GLB1L3: variants seen among roughly 807,000 people sequenced by gnomAD.
The protein encoded by GLB1L3 is galactosidase beta 1 like 3, also known as beta-galactosidase-1-like protein 3.
A neutral mutation model predicts 89.5 loss-of-function variants in GLB1L3; 89 were observed. The ratio of observed to expected loss-of-function variants is 0.99; its 90% CI spans 0.84 to 1.19. GLB1L3 has a LOEUF of 1.19. Among genes scored for constraint, GLB1L3 ranks in the 50% most tolerant of loss-of-function variants. The probability of loss-of-function intolerance (pLI) is 0.00; values close to 1 mark genes in which losing one functional copy is unlikely to be tolerated. For synonymous variants in GLB1L3, 314 were observed against 312.3 expected (o/e 1.01, Z -0.06); for missense variants, 812 against 813.3 (o/e 1.00, Z 0.02).
intron 3 of GLB1L3, among the ~76,000 whole-genome samples, chr11:134,279,781 A>T (rs960086847): frequency 5.3e-5 from 8 of 151,820 alleles, no homozygotes; most frequent in Non-Finnish European, 1.0e-4. Context: ...CTTTTTTCTT[A>T]ATCTTATCTA....
rs75363727 is a variant in GLB1L3 at position 134,310,700 on chromosome 11, C to T, written c.1180+49C>T. The T allele has an allele frequency of 2.9e-3, 4,169 of 1,417,858 alleles. 65 individuals are homozygous for T. In the East Asian group the frequency reaches 0.036, roughly 12 times the overall value. The allele number at this position is 1,417,858 out of a possible 1,614,324, so 87.8% of individuals were successfully genotyped here. A position where few individuals can be genotyped will look rare whatever the true frequency, so the allele number is the denominator to read the frequency against. On this transcript the variant is annotated intron_variant, in intron 12 of 19. Transcript: ENST00000431683. ...CGGGCCAGCCCTCCTCATGTGGAGT[C>T]TCTGTTCTGTGGAAAAGTGAGGAAG...
chr11:134,317,317 G>T (rs1392361545), intron 18 of GLB1L3, among the ~76,000 whole-genome samples: 1 of 152,028 alleles, frequency 6.6e-6, no homozygotes, highest in Non-Finnish European at 1.5e-5. Flanking sequence ...AAATATATCG[G>T]TCCATTCCAC....
Position 134,305,091 on chromosome 11 carries a change from C to T in GLB1L3, c.877-2033C>T, listed in dbSNP as rs760031332. ...ATGAATTCTTATCTTTACCCATCTT[C>T]CTTTTTGCTTTCTCTCCTCCCAGGG... On this transcript the variant is annotated intron_variant, in intron 9 of 19. Transcript: ENST00000431683. The T allele has an allele frequency of 4.5e-6, 7 of 1,548,880 alleles. No homozygotes were observed. The South Asian group carries it at 8.3e-5, about 18-fold the overall frequency.
chr11:134,276,667 C>T lies in GLB1L3; in HGVS notation c.-74C>T. 1 of 1,315,690 alleles carries T rather than the reference C, an allele frequency of 7.6e-7. No homozygotes were observed. The highest frequency in any genetic ancestry group is 9.8e-7 in the Non-Finnish European group (1 of 1,020,536). The allele number at this position is 1,315,690 out of a possible 1,614,324, so 81.5% of individuals were successfully genotyped here. On this transcript the variant is annotated 5_prime_UTR_variant, in exon 1 of 20. Coordinates refer to ENST00000431683, the MANE Select transcript of GLB1L3 (RefSeq NM_001080407.3). ...CGCGGAACCGGGGCTCGAGTCCCGG[C>T]CCGAGCGCGGCGTCGGGGCCAGCGG... is the stretch of plus-strand genomic sequence containing the variant.
At chr11:134,320,548 T>C (rs532767945), downstream of GLB1L3, among the ~76,000 whole-genome samples, 1 of 152,168 alleles carries the variant, frequency 6.6e-6, no homozygotes, top group African/African-American at 2.4e-5. Context: ...TTCAAAGAGG[T>C]ATTTGAAATC....
chr11:134,284,308 T>C (rs1026297842), intron 6 of GLB1L3, among the ~76,000 whole-genome samples: 2 of 151,922 alleles, frequency 1.3e-5, no homozygotes, highest in Admixed American at 1.3e-4. Context: ...AGAAGCAAAT[T>C]ATACACACGT....
chr11:134,312,003 C>T lies in GLB1L3; in HGVS notation c.1288-346C>T, dbSNP rs111455008. On this transcript the variant is annotated intron_variant, in intron 13 of 19. Coordinates refer to ENST00000431683, the MANE Select transcript of GLB1L3 (RefSeq NM_001080407.3). ...TGTAGATGTGGGTCTCACTATGTTG[C>T]CCAGGCTGCTCTCAAACTCCTGGCC... is the stretch of plus-strand genomic sequence containing the variant. 1,572 of 194,304 alleles carry T rather than the reference C, an allele frequency of 8.1e-3. 20 individuals are homozygous for T. Among genetic ancestry groups the T allele is most frequent in the Non-Finnish European group, 7.7e-3 (741 of 95,758 alleles). 12.0% of individuals were successfully genotyped at this position (194,304 alleles called of 1,614,324 possible). A position where few individuals can be genotyped will look rare whatever the true frequency, so the allele number is the denominator to read the frequency against.
Position 134,309,497 on chromosome 11 carries a change from T to C in GLB1L3, c.962-129T>C, listed in dbSNP as rs541262534. 33 of 522,696 alleles carry C rather than the reference T, an allele frequency of 6.3e-5. 1 individual carries two copies. Among genetic ancestry groups the C allele is most frequent in the African/African-American group, 5.8e-4 (30 of 51,542 alleles). 32.4% of individuals were successfully genotyped at this position (522,696 alleles called of 1,614,324 possible). A position where few individuals can be genotyped will look rare whatever the true frequency, so the allele number is the denominator to read the frequency against. ...TAAAGTCTCCATTCCCAAGAATGTATATAGCCGTGAAGCGAGGAGTTACTG... is the reference window on the plus strand; with the variant it reads ...TAAAGTCTCCATTCCCAAGAATGTACATAGCCGTGAAGCGAGGAGTTACTG... On this transcript the variant is annotated intron_variant, in intron 10 of 19. Transcript: ENST00000431683.
intron 3 of GLB1L3, among the ~76,000 whole-genome samples, chr11:134,279,039 A>G (rs1474943531): frequency 2.6e-5 from 4 of 152,258 alleles, no homozygotes; most frequent in African/African-American, 2.4e-5. Flanking sequence ...GTTTATGATT[A>G]TAAGCAAAAC....
chr11:134,308,166 CCAGCACCACCACCAT>C (rs1565412071), intron 10 of GLB1L3, among the ~76,000 whole-genome samples: 4 of 106,016 alleles, frequency 3.8e-5, no homozygotes, highest in South Asian at 6.3e-4. Flanking sequence ...AACACCACCA[CCAGCACCACCACCAT>C]CACCATCATC....
chr11:134,313,579 T>C (rs1334429275), intron 16 of GLB1L3, 105 bp downstream of exon 16: 1 of 998,858 alleles, frequency 1.0e-6, no homozygotes, highest in Non-Finnish European at 1.5e-6. Context: ...CGCTCAGCAG[T>C]GGGCTACCCA....
intron 5 of GLB1L3, among the ~76,000 whole-genome samples, chr11:134,283,216 C>G (rs573414672): frequency 6.6e-6 from 1 of 152,130 alleles, no homozygotes; most frequent in Admixed American, 6.5e-5. Flanking sequence ...GCGCCCGCCA[C>G]CACACCCGGC....
chr11:134,308,217 T>C (rs62636435), intron 10 of GLB1L3, among the ~76,000 whole-genome samples: 6,923 of 30,624 alleles, frequency 0.23, 2,371 homozygotes, highest in Non-Finnish European at 0.24. Context: ...ACCACCACCA[T>C]CACCATCACC....
At chr11:134,286,273 G>A (rs1940977213) in intron 6 of GLB1L3, among the ~76,000 whole-genome samples, 1 of 152,196 alleles carries the variant, frequency 6.6e-6, no homozygotes. Flanking sequence ...GGAAGAATGT[G>A]AGAGAGAGCT....
At chr11:134,321,420 G>A (rs1943166983), downstream of GLB1L3, among the ~76,000 whole-genome samples, 1 of 152,098 alleles carries the variant, frequency 6.6e-6, no homozygotes, top group Admixed American at 6.5e-5. Flanking sequence ...TAAAGAAGTA[G>A]AAAAATAAGT....
chr11:134,278,343 G>A (rs1306457469), intron 3 of GLB1L3, among the ~76,000 whole-genome samples: 3 of 151,988 alleles, frequency 2.0e-5, no homozygotes, highest in Non-Finnish European at 2.9e-5. Flanking sequence ...GGAGTGCAGT[G>A]GCCCGATCTT....
At chr11:134,292,038 G>GATGC (rs895784949) in intron 7 of GLB1L3, 94 bp from the exon 8 acceptor site, 1 of 802,298 alleles carries the variant, frequency 1.2e-6, no homozygotes, top group African/African-American at 1.7e-5. Flanking sequence ...AGAATGCATG[G>GATGC]ATGCAGAACC....
At position 134,276,672 on chromosome 11, in the gene GLB1L3, G is replaced by A. The variant is rs1940383521; in HGVS notation, c.-69G>A. 5 of 1,333,262 alleles carry A rather than the reference G, an allele frequency of 3.8e-6. No homozygotes were observed. The highest frequency in any genetic ancestry group is 3.4e-5 in the Admixed American group (1 of 29,102). 82.6% of individuals were successfully genotyped at this position (1,333,262 alleles called of 1,614,324 possible). A position where few individuals can be genotyped will look rare whatever the true frequency, so the allele number is the denominator to read the frequency against. Reference sequence around the variant, plus strand: ...AACCGGGGCTCGAGTCCCGGCCCGAGCGCGGCGTCGGGGCCAGCGGAGAGG... The same window carrying A: ...AACCGGGGCTCGAGTCCCGGCCCGAACGCGGCGTCGGGGCCAGCGGAGAGG... On this transcript the variant is annotated 5_prime_UTR_variant, in exon 1 of 20. Transcript: ENST00000431683.
intron 16 of GLB1L3, 145 bp downstream of exon 16, chr11:134,313,619 C>T (rs1036090999): frequency 4.1e-6 from 3 of 729,402 alleles, no homozygotes; most frequent in Non-Finnish European, 7.0e-6. Flanking sequence ...CAAAATCGGC[C>T]CCTCGCCCTT....
Sources: gnomAD v4.1 joint callset for allele counts (sites outside exome capture counted in the v4.1 genomes callset) on GRCh38, gnomAD v4.1.1 for gene constraint, MANE v1.5 for transcripts, NCBI Gene and HGNC (gene_info 2026-07-23, HGNC 2026-07-21) for gene names.